DGCR2: variants seen among roughly 807,000 people sequenced by gnomAD.
The protein encoded by DGCR2 is integral membrane protein DGCR2/IDD.
DGCR2 carries 24 observed loss-of-function variants against 51.6 expected under a neutral mutation model. The ratio of observed to expected loss-of-function variants is 0.47; its 90% confidence interval spans 0.34 to 0.65. The LOEUF (loss-of-function observed/expected upper bound fraction) is 0.65. Ranked by LOEUF, DGCR2 falls within the 30% of genes least tolerant of loss-of-function variation. The pLI, the probability that DGCR2 is intolerant of heterozygous loss-of-function variation, is 0.01. For synonymous variants in DGCR2, 340 were observed against 315.4 expected (o/e 1.08, Z -0.82); for missense variants, 765 against 772.1 (o/e 0.99, Z 0.11).
chr22:19,038,831 T>C lies in DGCR2; in HGVS notation c.*34A>G. The C allele has an allele frequency of 6.3e-7, 1 of 1,596,114 alleles. No homozygotes were observed. The highest frequency in any genetic ancestry group is 8.6e-7 in the Non-Finnish European group (1 of 1,168,966). On this transcript the variant is annotated 3_prime_UTR_variant, in exon 10 of 10. Coordinates refer to ENST00000263196, the MANE Select transcript of DGCR2 (RefSeq NM_005137.3). ...ACCGGTGTTTTCTACAACAGACAGGTGCTCCCAGACCGTTGGGGTACAGGC... is the reference window on the plus strand; with the variant it reads ...ACCGGTGTTTTCTACAACAGACAGGCGCTCCCAGACCGTTGGGGTACAGGC...
intron 4 of DGCR2, 73 bp from the exon 5 acceptor site, chr22:19,063,351 T>C: frequency 4.1e-6 from 6 of 1,475,816 alleles, no homozygotes; most frequent in South Asian, 3.5e-5. Flanking sequence ...TGTGTGTTTT[T>C]TGTTTTTTGA....
intron 1 of DGCR2, among the ~76,000 whole-genome samples, chr22:19,120,911 A>G (rs920687989): frequency 6.6e-6 from 1 of 152,230 alleles, no homozygotes; most frequent in South Asian, 2.1e-4. Context: ...AGAGCAGCCA[A>G]AAGCAGTGAG....
intron 1 of DGCR2, among the ~76,000 whole-genome samples, chr22:19,105,620 A>G (rs1569086031): frequency 6.6e-6 from 1 of 152,152 alleles, no homozygotes; most frequent in Non-Finnish European, 1.5e-5. Flanking sequence ...GGACTTCGGG[A>G]CCAGATAGCT....
rs1601497526 is a variant in DGCR2 at position 19,041,063 on chromosome 22, G to C, written c.1391C>G (p.Pro464Arg). 1.0e-5 allele frequency: 16 copies of C among 1,589,106 alleles called. No homozygotes were observed. The highest frequency in any genetic ancestry group is 1.4e-5 in the Non-Finnish European group (16 of 1,163,684). ...CTCCCTGGGGAGTCAGGCACCTGCA[G>C]GGTCATAGAACACACTGTCCGGGTG... ...SIHPDSVFYDPADDDAFEPVE... is the reference protein window; with the variant it reads ...SIHPDSVFYDRADDDAFEPVE... The change falls in exon 9 of 10, where the codon CCT becomes CGT. Residue 464 changes from proline to arginine, a missense_variant. By Grantham distance (103) the Pro-to-Arg change is moderately radical. Around this residue, in one of 3 missense-constraint regions of DGCR2, gnomAD observed 205 missense variants for 181.4 expected, o/e 1.13. Transcript: ENST00000263196.
Position 19,083,914 on chromosome 22 carries a change from G to A in DGCR2, c.202+5454C>T, listed in dbSNP as rs375117280. Among the ~76,000 whole-genome samples, 403 of 152,286 alleles carry A rather than the reference G, an allele frequency of 2.6e-3. 17 individuals are homozygous for A. The South Asian group carries it at 0.081, about 31-fold the overall frequency. On this transcript the variant is annotated intron_variant, in intron 2 of 9. Coordinates refer to ENST00000263196, the MANE Select transcript of DGCR2 (RefSeq NM_005137.3). ...TCATATTTTTTTTGGTGGAGACGGGGTTTTGCTGTGTTGGCCGGGCTAGTC... is the reference window on the plus strand; with the variant it reads ...TCATATTTTTTTTGGTGGAGACGGGATTTTGCTGTGTTGGCCGGGCTAGTC...
At chr22:19,063,583 T>A (rs1322368673) in intron 4 of DGCR2, among the ~76,000 whole-genome samples, 3 of 151,280 alleles carry the variant, frequency 2.0e-5, no homozygotes. Flanking sequence ...TCTCCTGACC[T>A]CATGACCCAC....
At chr22:19,116,394 G>C (rs984446868) in intron 1 of DGCR2, among the ~76,000 whole-genome samples, 7 of 152,214 alleles carry the variant, frequency 4.6e-5, no homozygotes, top group African/African-American at 1.4e-4. Context: ...GACTGGCTTT[G>C]ACTAAACTTC....
At chr22:19,078,555 CT>C (rs775298033) in intron 2 of DGCR2, among the ~76,000 whole-genome samples, 44 of 152,148 alleles carry the variant, frequency 2.9e-4, no homozygotes, top group Non-Finnish European at 5.7e-4. Flanking sequence ...ATTTTGATGG[CT>C]TTCTCTTCTT....
chr22:19,047,779 T>C (rs989874475), intron 7 of DGCR2: 2 of 152,912 alleles, frequency 1.3e-5, no homozygotes, highest in African/African-American at 4.8e-5. Context: ...CTGAGAATAA[T>C]ACTTCATCTT....
chr22:19,087,270 T>A (rs1349563568), intron 2 of DGCR2, among the ~76,000 whole-genome samples: 5 of 152,156 alleles, frequency 3.3e-5, no homozygotes, highest in African/African-American at 7.2e-5. Context: ...CAGAGGCTCC[T>A]GACCGGGCCA....
Position 19,038,558 on chromosome 22 carries a change from C to T in DGCR2, c.*307G>A. On this transcript the variant is annotated 3_prime_UTR_variant, in exon 10 of 10. Coordinates refer to ENST00000263196, the MANE Select transcript of DGCR2 (RefSeq NM_005137.3). ...GTGTGGCCATGGCCCACAGTACCTT[C>T]TTCATTCCCTGCCTCTAACATGTGC... The T allele has an allele frequency of 4.7e-6, 2 of 426,194 alleles. No homozygotes were observed. The highest frequency in any genetic ancestry group is 4.2e-5 in the Admixed American group (1 of 23,804). 26.4% of individuals were successfully genotyped at this position (426,194 alleles called of 1,614,324 possible). A position where few individuals can be genotyped will look rare whatever the true frequency, so the allele number is the denominator to read the frequency against.
At chr22:19,051,930 A>G (rs2082552776) in intron 6 of DGCR2, among the ~76,000 whole-genome samples, 1 of 152,214 alleles carries the variant, frequency 6.6e-6, no homozygotes, top group East Asian at 1.9e-4. Context: ...AAAAATAGTG[A>G]AAACAGTAAG....
chr22:19,122,068 G>A (rs918002352), intron 1 of DGCR2, 60 bp downstream of exon 1: 9 of 1,304,082 alleles, frequency 6.9e-6, no homozygotes, highest in Admixed American at 3.8e-5. Flanking sequence ...AGGAGGTCCC[G>A]GGGCGACCCC....
chr22:19,062,684 G>A lies in DGCR2; in HGVS notation c.625+518C>T, dbSNP rs140567486. On this transcript the variant is annotated intron_variant, in intron 5 of 9. Coordinates refer to ENST00000263196, the MANE Select transcript of DGCR2 (RefSeq NM_005137.3). ...CAAGCCAAGTCCGAGCCCAGGGAAT[G>A]TAAAGGAAACAGCAGCCATGTTTCC... 5.3e-4 allele frequency among the ~76,000 whole-genome samples: 81 copies of A among 152,008 alleles called. 4 individuals carry two copies. The East Asian group carries it at 0.015, about 28-fold the overall frequency.
chr22:19,073,009 C>A (rs892341714), intron 2 of DGCR2, among the ~76,000 whole-genome samples: 4 of 152,134 alleles, frequency 2.6e-5, no homozygotes, highest in African/African-American at 9.7e-5. Context: ...GTAATCCCAA[C>A]ACTTTGGGAG....
At position 19,057,972 on chromosome 22, in the gene DGCR2, A is replaced by G. The variant is rs2082621663; in HGVS notation, c.626-810T>C. On this transcript the variant is annotated intron_variant, in intron 5 of 9. Transcript: ENST00000263196. The surrounding 1 kb of genome is among the most constrained non-coding windows in gnomAD (Gnocchi z 5.1). ...GCCAAGATTCCTTGAGGCTTACCCG[A>G]CCAGGATCAATGGAAACACAAAGCA... 6.6e-6 allele frequency among the ~76,000 whole-genome samples: 1 copy of G among 152,102 alleles called. No homozygotes were observed. Among genetic ancestry groups the G allele is most frequent in the South Asian group, 2.1e-4 (1 of 4,822 alleles).
At position 19,038,751 on chromosome 22, in the gene DGCR2, T is replaced by C. The variant is rs577587971; in HGVS notation, c.*114A>G. ...TACACACGCGAGCCCGCCAGTGACG[T>C]GCGGCAGTGCGTGGCGTCCAGGCTG... On this transcript the variant is annotated 3_prime_UTR_variant, in exon 10 of 10. Transcript: ENST00000263196. The C allele has an allele frequency of 1.9e-4, 262 of 1,398,642 alleles. 6 individuals carry two copies. In the South Asian group the frequency reaches 3.3e-3, roughly 18 times the overall value. 86.6% of individuals were successfully genotyped at this position (1,398,642 alleles called of 1,614,324 possible).
intron 1 of DGCR2, among the ~76,000 whole-genome samples, chr22:19,100,994 T>C (rs923323297): frequency 2.0e-5 from 3 of 151,968 alleles, no homozygotes; most frequent in Admixed American, 6.6e-5. Context: ...TAGTCCCAGC[T>C]ACTCGGGAGG....
At chr22:19,058,601 G>A (rs902183863) in intron 5 of DGCR2, among the ~76,000 whole-genome samples, 2 of 152,126 alleles carry the variant, frequency 1.3e-5, no homozygotes, top group South Asian at 2.1e-4. Flanking sequence ...CTTGTCCCGT[G>A]GCAAGAAAAC....
Sources: allele counts gnomAD v4.1 joint callset (sites outside exome capture counted in the v4.1 genomes callset), GRCh38; gene constraint gnomAD v4.1.1; regional missense constraint gnomAD v4.1.1; non-coding constraint Gnocchi (gnomAD v3.1); transcripts MANE v1.5; gene names NCBI Gene and HGNC (gene_info 2026-07-23, HGNC 2026-07-21).